The following RNF157 variants were observed in gnomAD, a reference collection of about 807,000 sequenced individuals.
RNF157 encodes ring finger protein 157.
Under a neutral mutation model 88.3 loss-of-function variants are expected in RNF157, and 55 were observed. The observed-to-expected ratio is 0.62, with a 90% CI of 0.50 to 0.78. RNF157 has a LOEUF of 0.78. Ranked by LOEUF, RNF157 falls within the 30% of genes least tolerant of loss-of-function variation. The pLI, the probability that RNF157 is intolerant of heterozygous loss-of-function variation, is 0.00. For missense variants in RNF157, 788 were observed against 860.8 expected, an observed-to-expected ratio of 0.92 and a Z score of 1.06; for synonymous variants, 334 against 341.2, an observed-to-expected ratio of 0.98 and a Z score of 0.23.
chr17:76,169,237 A>G (rs1259212831), intron 3 of RNF157, among the ~76,000 whole-genome samples: 2 of 151,842 alleles, frequency 1.3e-5, no homozygotes, highest in Admixed American at 6.6e-5. Flanking sequence ...GAATATTTCA[A>G]GTTTTCTTCC....
chr17:76,230,884 G>A (rs1598448712), intron 1 of RNF157, among the ~76,000 whole-genome samples: 2 of 105,260 alleles, frequency 1.9e-5, no homozygotes, highest in African/African-American at 4.9e-5. Context: ...GAGAGAAAGA[G>A]AAAGAGAGAA....
intron 1 of RNF157, among the ~76,000 whole-genome samples, chr17:76,227,070 G>A (rs913744171): frequency 6.6e-6 from 1 of 152,138 alleles, no homozygotes; most frequent in African/African-American, 2.4e-5. Flanking sequence ...TACATCTGTG[G>A]GCAGGCAAAG....
intron 1 of RNF157, among the ~76,000 whole-genome samples, chr17:76,221,891 TA>T (rs2069989288): frequency 6.6e-6 from 1 of 152,114 alleles, no homozygotes; most frequent in Non-Finnish European, 1.5e-5. Flanking sequence ...TCCAAAACAG[TA>T]TGCTGAGACA....
In RNF157 at chr17:76,240,266, C is replaced by T. The variant is rs1463252261; in HGVS notation, c.-26G>A. ...GGCCGCTGCGGCTGCAGCCCCGGCCCGGCCCCGGTGCCCGCGCCGCCCTCC... is the reference window on the plus strand; with the variant it reads ...GGCCGCTGCGGCTGCAGCCCCGGCCTGGCCCCGGTGCCCGCGCCGCCCTCC... On this transcript the variant is annotated 5_prime_UTR_variant, in exon 1 of 19. Transcript: ENST00000269391. The surrounding 1 kb of genome is among the most constrained non-coding windows in gnomAD (Gnocchi z 4.4). 6 of 1,124,004 alleles carry T rather than the reference C, an allele frequency of 5.3e-6. No individual in the cohort carries two copies. The highest frequency in any genetic ancestry group is 6.6e-6 in the Non-Finnish European group (6 of 912,290). 69.6% of individuals were successfully genotyped at this position (1,124,004 alleles called of 1,614,324 possible).
intron 8 of RNF157, chr17:76,162,887 C>T (rs1427141979): frequency 1.5e-5 from 5 of 341,918 alleles, no homozygotes; most frequent in East Asian, 6.0e-5. Context: ...ATAATACTTG[C>T]ACTGCAGCAT....
chr17:76,185,230 C>A lies in RNF157; in HGVS notation c.208-11440G>T, dbSNP rs149995036. ...AATGAACCTACTTGACTTCCAGGCC[C>A]CCCCAGATAGGAAGCCTCCCTTCCC... On this transcript the variant is annotated intron_variant, in intron 2 of 18. Coordinates refer to ENST00000269391, the MANE Select transcript of RNF157 (RefSeq NM_052916.3). Among the ~76,000 whole-genome samples the A allele has an allele frequency of 2.2e-4, 34 of 152,312 alleles. No individual in the cohort carries two copies. In the East Asian group the frequency reaches 6.4e-3, roughly 29 times the overall value.
chr17:76,224,678 A>C (rs2070047197), intron 1 of RNF157, among the ~76,000 whole-genome samples: 2 of 151,986 alleles, frequency 1.3e-5, no homozygotes, highest in African/African-American at 2.4e-5. Context: ...GTCTTACGCC[A>C]CACTTGAAAT....
chr17:76,168,745 G>T (rs1461215751), intron 3 of RNF157, among the ~76,000 whole-genome samples: 1 of 152,058 alleles, frequency 6.6e-6, no homozygotes, highest in Non-Finnish European at 1.5e-5. Context: ...TTTCATATCG[G>T]TGGAGCACGT....
At chr17:76,162,248 G>A in intron 9 of RNF157, 1 of 579,042 alleles carries the variant, frequency 1.7e-6, no homozygotes, top group Non-Finnish European at 3.0e-6. Flanking sequence ...GCCCAGAGCT[G>A]GGCCTCTCAA....
chr17:76,231,377 T>C (rs1006641493), intron 1 of RNF157, among the ~76,000 whole-genome samples: 3 of 152,228 alleles, frequency 2.0e-5, no homozygotes, highest in Admixed American at 1.3e-4. Context: ...ACATCCTTTA[T>C]GTGATTTGCA....
intron 1 of RNF157, among the ~76,000 whole-genome samples, chr17:76,237,053 G>C (rs1344185803): frequency 2.6e-5 from 4 of 152,164 alleles, no homozygotes; most frequent in African/African-American, 9.7e-5. Context: ...TTTAAAGTTT[G>C]AACCGTGTGA....
chr17:76,197,210 C>G (rs1351690926), intron 2 of RNF157, among the ~76,000 whole-genome samples: 1 of 152,136 alleles, frequency 6.6e-6, no homozygotes, highest in African/African-American at 2.4e-5. Context: ...GAATAGGAGA[C>G]ACGGGGCTGT....
intron 1 of RNF157, among the ~76,000 whole-genome samples, chr17:76,234,022 T>C (rs8081775): frequency 0.99 from 151,521 of 152,288 alleles, 75,384 homozygotes; most frequent in East Asian, 1. Flanking sequence ...CTCCCTCTCC[T>C]CAGCCTCTGG....
At chr17:76,222,821 C>T (rs1312937037) in intron 1 of RNF157, among the ~76,000 whole-genome samples, 1 of 151,998 alleles carries the variant, frequency 6.6e-6, no homozygotes, top group Non-Finnish European at 1.5e-5. Flanking sequence ...TGAAATCAAA[C>T]AACTGTGTGT....
rs2144831980 is a variant in RNF157 at position 76,160,108 on chromosome 17, C to A, written c.1066-535G>T. On this transcript the variant is annotated intron_variant, in intron 11 of 18. Coordinates refer to ENST00000269391, the MANE Select transcript of RNF157 (RefSeq NM_052916.3). The surrounding 1 kb of genome is among the most constrained non-coding windows in gnomAD (Gnocchi z 4.3). The stretch of plus-strand genomic sequence containing the variant: ...GTGCTAGGATTACAGATGTAAGCCA[C>A]CATGCCTGGCCAGAACATAAATATT... Among the ~76,000 whole-genome samples the A allele has an allele frequency of 6.6e-6, 1 of 152,316 alleles. No individual in the cohort carries two copies. The highest frequency in any genetic ancestry group is 2.1e-4 in the South Asian group (1 of 4,820).
intron 2 of RNF157, among the ~76,000 whole-genome samples, chr17:76,193,443 A>G (rs2069419320): frequency 6.6e-6 from 1 of 152,190 alleles, no homozygotes; most frequent in Non-Finnish European, 1.5e-5. Flanking sequence ...AAGTAAATAC[A>G]GTTAGGATAT....
intron 1 of RNF157, among the ~76,000 whole-genome samples, chr17:76,216,057 C>T (rs1323226698): frequency 6.6e-6 from 1 of 152,062 alleles, no homozygotes; most frequent in Non-Finnish European, 1.5e-5. Context: ...ATTTTCTATG[C>T]ATCAGGAATT....
At chr17:76,182,091 C>G (rs1454402476) in intron 2 of RNF157, among the ~76,000 whole-genome samples, 2 of 152,076 alleles carry the variant, frequency 1.3e-5, no homozygotes, top group Non-Finnish European at 2.9e-5. Flanking sequence ...ATCTGGTGCC[C>G]TGCATGCTTG....
chr17:76,185,882 G>A (rs2069278803), intron 2 of RNF157, among the ~76,000 whole-genome samples: 1 of 152,126 alleles, frequency 6.6e-6, no homozygotes, highest in Admixed American at 6.5e-5. Context: ...TAAGCAGCAG[G>A]TTTTGAGATG....
Sources: allele counts gnomAD v4.1 joint callset (sites outside exome capture counted in the v4.1 genomes callset), GRCh38; gene constraint gnomAD v4.1.1; non-coding constraint Gnocchi (gnomAD v3.1); transcripts MANE v1.5; gene names NCBI Gene and HGNC (gene_info 2026-07-23, HGNC 2026-07-21).